KCTD16: variants seen among roughly 807,000 people sequenced by gnomAD.
The protein encoded by KCTD16 is potassium channel tetramerization domain containing 16.
In KCTD16, 13 loss-of-function variants were observed where a neutral mutation model predicts 33.2. That is an observed-to-expected ratio of 0.39 (90% CI 0.25 to 0.62). The LOEUF (loss-of-function observed/expected upper bound fraction) is 0.62. KCTD16 is among the 20% of genes least tolerant of loss of function. The probability of loss-of-function intolerance (pLI) is 0.50; values close to 1 mark genes in which losing one functional copy is unlikely to be tolerated. For missense variants in KCTD16, 441 were observed against 525.1 expected (o/e 0.84, Z 1.57); for synonymous variants, 197 against 195.3 (o/e 1.01, Z -0.07).
intron 3 of KCTD16, among the ~76,000 whole-genome samples, chr5:144,328,155 T>C (rs1752258782): frequency 1.3e-5 from 2 of 152,188 alleles, no homozygotes; most frequent in South Asian, 4.1e-4. Flanking sequence ...CAGTACTCAA[T>C]AAATATTTTT....
At chr5:144,185,051 C>T (rs903068138) in intron 2 of KCTD16, among the ~76,000 whole-genome samples, 27 of 152,146 alleles carry the variant, frequency 1.8e-4, no homozygotes, top group African/African-American at 6.5e-4. Context: ...CATATATTAA[C>T]TAATTTACTC....
chr5:144,226,133 T>G (rs1178206978), intron 3 of KCTD16, among the ~76,000 whole-genome samples: 2 of 152,228 alleles, frequency 1.3e-5, no homozygotes, highest in Non-Finnish European at 2.9e-5. Flanking sequence ...TGCCTCTGAT[T>G]GAGTGCAAGT....
At chr5:144,332,459 C>G (rs1752384165) in intron 3 of KCTD16, among the ~76,000 whole-genome samples, 1 of 152,172 alleles carries the variant, frequency 6.6e-6, no homozygotes, top group Non-Finnish European at 1.5e-5. Flanking sequence ...AACCCACTCT[C>G]TCTACCTGAC....
At chr5:144,273,520 A>G (rs907500521) in intron 3 of KCTD16, among the ~76,000 whole-genome samples, 1 of 152,198 alleles carries the variant, frequency 6.6e-6, no homozygotes. Context: ...CATTTGTACA[A>G]CCATGTTCAT....
intron 3 of KCTD16, among the ~76,000 whole-genome samples, chr5:144,262,587 A>G (rs1277763523): frequency 6.6e-6 from 1 of 152,234 alleles, no homozygotes; most frequent in African/African-American, 2.4e-5. Flanking sequence ...CATAAGTAGG[A>G]AAACTATGTG....
At chr5:144,174,693 G>A (rs1472471365) in intron 2 of KCTD16, among the ~76,000 whole-genome samples, 3 of 152,116 alleles carry the variant, frequency 2.0e-5, no homozygotes, top group Non-Finnish European at 4.4e-5. Context: ...GCCCGTAATG[G>A]CATTGGATGC....
chr5:144,355,806 C>T (rs893408718), intron 3 of KCTD16, among the ~76,000 whole-genome samples: 1 of 152,104 alleles, frequency 6.6e-6, no homozygotes, highest in Non-Finnish European at 1.5e-5. Context: ...ATTTCTGGCT[C>T]GCTTTTTCAT....
chr5:144,427,031 T>G (rs1305546772), intron 3 of KCTD16, among the ~76,000 whole-genome samples: 1 of 152,146 alleles, frequency 6.6e-6, no homozygotes, highest in Non-Finnish European at 1.5e-5. Context: ...TTTCGTATTC[T>G]CTGTTCCCTC....
At chr5:144,334,220 C>T (rs1269286175) in intron 3 of KCTD16, among the ~76,000 whole-genome samples, 1 of 152,134 alleles carries the variant, frequency 6.6e-6, no homozygotes, top group African/African-American at 2.4e-5. Context: ...GATAGAATCA[C>T]TTTGGAGCTT....
intron 3 of KCTD16, among the ~76,000 whole-genome samples, chr5:144,441,973 T>C (rs944697090): frequency 6.6e-6 from 1 of 152,118 alleles, no homozygotes; most frequent in Non-Finnish European, 1.5e-5. Flanking sequence ...TTTCAACATT[T>C]TAAAAAAGTT....
chr5:144,226,666 A>G (rs1186075651), intron 3 of KCTD16, among the ~76,000 whole-genome samples: 1 of 151,672 alleles, frequency 6.6e-6, no homozygotes. Flanking sequence ...TCTGCCTCCC[A>G]GCTTCAAGCA....
At chr5:144,259,244 C>G (rs189362644) in intron 3 of KCTD16, among the ~76,000 whole-genome samples, 1,999 of 111,764 alleles carry the variant, frequency 0.018, 33 homozygotes, top group Middle Eastern at 0.085. Context: ...GATGACAGAG[C>G]GAGACTCCAT....
At chr5:144,391,422 A>G (rs763424620) in intron 3 of KCTD16, among the ~76,000 whole-genome samples, 1 of 152,228 alleles carries the variant, frequency 6.6e-6, no homozygotes. Context: ...CATCCTCTGC[A>G]TATCTACTCA....
chr5:144,238,183 G>GAACTTGTGGT (rs1754305657), intron 3 of KCTD16, among the ~76,000 whole-genome samples: 1 of 152,184 alleles, frequency 6.6e-6, no homozygotes, highest in Non-Finnish European at 1.5e-5. Flanking sequence ...TATTTTTGCA[G>GAACTTGTGGT]TGAAGGAGGT....
intron 3 of KCTD16, among the ~76,000 whole-genome samples, chr5:144,458,479 T>C (rs758633403): frequency 1.4e-4 from 21 of 151,550 alleles, no homozygotes; most frequent in Non-Finnish European, 2.9e-5. Context: ...GCAGAGGCTG[T>C]TGTTCTATAG....
In KCTD16 at chr5:144,373,563, C is replaced by T. The variant is rs1306815337; in HGVS notation, c.833-100097C>T. Among the ~76,000 whole-genome samples, 4 of 152,276 alleles carry T rather than the reference C, an allele frequency of 2.6e-5. No homozygotes were observed. The East Asian group carries it at 5.8e-4, about 22-fold the overall frequency. ...TGTTTTTGGTCTATATCCTTCCAAG[C>T]CACTTGTGATGCACACCTAGTTCCT... On this transcript the variant is annotated intron_variant, in intron 3 of 3. Transcript: ENST00000512467.
chr5:144,327,929 C>A (rs1180718962), intron 3 of KCTD16, among the ~76,000 whole-genome samples: 1 of 152,124 alleles, frequency 6.6e-6, no homozygotes, highest in African/African-American at 2.4e-5. Flanking sequence ...AGTATGTCTT[C>A]AGGATACATC....
At chr5:144,436,415 G>A (rs1036453714) in intron 3 of KCTD16, among the ~76,000 whole-genome samples, 1 of 151,962 alleles carries the variant, frequency 6.6e-6, no homozygotes, top group African/African-American at 2.4e-5. Context: ...ATTTTGTAAG[G>A]CTATTGTTCA....
At chr5:144,293,361 G>A (rs1755947828) in intron 3 of KCTD16, among the ~76,000 whole-genome samples, 1 of 152,136 alleles carries the variant, frequency 6.6e-6, no homozygotes, top group Non-Finnish European at 1.5e-5. Context: ...CCTTCCAGAT[G>A]TCTACTATTT....
Sources: allele counts gnomAD v4.1 joint callset (sites outside exome capture counted in the v4.1 genomes callset), GRCh38; gene constraint gnomAD v4.1.1; transcripts MANE v1.5; gene names NCBI Gene and HGNC (gene_info 2026-07-23, HGNC 2026-07-21).